Variants in ASTN1 observed in about 807,000 individuals in gnomAD.
The protein encoded by ASTN1 is astrotactin-1.
A neutral mutation model predicts 140.7 loss-of-function variants in ASTN1; 41 were observed. The ratio of observed to expected loss-of-function variants is 0.29; its 90% CI spans 0.23 to 0.38. ASTN1 has a LOEUF of 0.38. Among genes scored for constraint, ASTN1 ranks in the 10% least tolerant of loss-of-function variants. The pLI, the probability that ASTN1 is intolerant of heterozygous loss-of-function variation, is 1.00. For missense variants in ASTN1, 1,479 were observed against 1,678.8 expected (o/e 0.88, Z 2.08); for synonymous variants, 640 against 652.2 (o/e 0.98, Z 0.29).
intron 1 of ASTN1, among the ~76,000 whole-genome samples, chr1:177,085,513 T>A (rs1311772660): frequency 6.6e-6 from 1 of 152,126 alleles, no homozygotes; most frequent in African/African-American, 2.4e-5. Flanking sequence ...AGTGACAAGA[T>A]CATCTATTTG....
chr1:176,918,975 A>G (rs1293956551), intron 16 of ASTN1, among the ~76,000 whole-genome samples: 1 of 152,010 alleles, frequency 6.6e-6, no homozygotes, highest in African/African-American at 2.4e-5. Flanking sequence ...CTGGCTCACC[A>G]TCCACATCTT....
intron 11 of ASTN1, among the ~76,000 whole-genome samples, chr1:176,955,641 T>C (rs949567726): frequency 2.6e-4 from 39 of 152,240 alleles, no homozygotes; most frequent in African/African-American, 9.2e-4. Flanking sequence ...GAACTATTCC[T>C]GCTAGCTCTG....
chr1:177,124,681 G>A (rs1296300232), intron 1 of ASTN1, among the ~76,000 whole-genome samples: 1 of 152,150 alleles, frequency 6.6e-6, no homozygotes, highest in African/African-American at 2.4e-5. Flanking sequence ...TTAAAAATCA[G>A]GTAGGAGATT....
intron 5 of ASTN1, chr1:177,029,214 C>T (rs1676291933): frequency 2.3e-6 from 1 of 429,656 alleles, no homozygotes; most frequent in Non-Finnish European, 4.7e-6. Context: ...ACTACACTGC[C>T]CCCAATCCTT....
At chr1:176,865,053 T>C (rs770714992) in intron 22 of ASTN1, among the ~76,000 whole-genome samples, 4 of 152,200 alleles carry the variant, frequency 2.6e-5, no homozygotes, top group Admixed American at 6.5e-5. Flanking sequence ...CAGTTCATGT[T>C]GACACAGGAT....
intron 1 of ASTN1, among the ~76,000 whole-genome samples, chr1:177,075,645 C>CTTTTCTTTT (rs1476411974): frequency 1.0e-5 from 1 of 99,548 alleles, no homozygotes; most frequent in Non-Finnish European, 1.9e-5. Context: ...CTTTTCTTTT[C>CTTTTCTTTT]TTTTTTTTTT....
At chr1:176,933,139 G>A (rs1228128525) in intron 16 of ASTN1, among the ~76,000 whole-genome samples, 1 of 152,150 alleles carries the variant, frequency 6.6e-6, no homozygotes, top group African/African-American at 2.4e-5. Context: ...GTTTCTTCTG[G>A]GAGAAAGTGC....
chr1:176,874,085 C>A (rs944480998), intron 21 of ASTN1, among the ~76,000 whole-genome samples: 2 of 152,202 alleles, frequency 1.3e-5, no homozygotes, highest in African/African-American at 4.8e-5. Flanking sequence ...CCACTACTCA[C>A]TGCAGGCTGT....
intron 16 of ASTN1, among the ~76,000 whole-genome samples, chr1:176,912,752 C>T (rs927804275): frequency 6.6e-6 from 1 of 152,052 alleles, no homozygotes; most frequent in Non-Finnish European, 1.5e-5. Context: ...TTTTCTTTAG[C>T]CAAAGGAATT....
intron 22 of ASTN1, among the ~76,000 whole-genome samples, chr1:176,867,693 C>T (rs985921972): frequency 6.6e-6 from 1 of 152,120 alleles, no homozygotes; most frequent in Non-Finnish European, 1.5e-5. Context: ...ACCTAATTTT[C>T]CTCTTTCCTT....
At chr1:177,050,503 G>A (rs1677483200) in intron 2 of ASTN1, among the ~76,000 whole-genome samples, 1 of 152,150 alleles carries the variant, frequency 6.6e-6, no homozygotes, top group South Asian at 2.1e-4. Context: ...ATCAGCAGCA[G>A]TGATAGAGGT....
intron 1 of ASTN1, among the ~76,000 whole-genome samples, chr1:177,139,749 C>G (rs369225286): frequency 1.5e-3 from 221 of 152,122 alleles, no homozygotes; most frequent in African/African-American, 5.0e-3. Context: ...TGAGGAAAAC[C>G]TTCACTAATC....
intron 1 of ASTN1, among the ~76,000 whole-genome samples, chr1:177,160,252 C>T (rs1220450505): frequency 3.9e-5 from 6 of 152,214 alleles, no homozygotes; most frequent in Non-Finnish European, 7.3e-5. Context: ...TTAACTCCCC[C>T]ATTCTTCTGT....
intron 11 of ASTN1, among the ~76,000 whole-genome samples, 173 bp from the exon 12 acceptor site, chr1:176,949,524 C>CTT (rs917830299): frequency 6.6e-6 from 1 of 152,150 alleles, no homozygotes; most frequent in African/African-American, 2.4e-5. Flanking sequence ...AACAAGTGAC[C>CTT]TTTTTTGACG....
intron 16 of ASTN1, among the ~76,000 whole-genome samples, chr1:176,896,180 T>C (rs1334877998): frequency 6.6e-6 from 1 of 152,206 alleles, no homozygotes; most frequent in Non-Finnish European, 1.5e-5. Flanking sequence ...AGCATTGTTG[T>C]TTCCCAGAGG....
chr1:177,112,914 A>C (rs776072402), intron 1 of ASTN1, among the ~76,000 whole-genome samples: 4 of 152,044 alleles, frequency 2.6e-5, no homozygotes, highest in Non-Finnish European at 5.9e-5. Context: ...CTCTCCTGTG[A>C]CTGGTTGTGA....
At chr1:177,146,920 G>A (rs762166864) in intron 1 of ASTN1, among the ~76,000 whole-genome samples, 4 of 152,098 alleles carry the variant, frequency 2.6e-5, no homozygotes, top group Non-Finnish European at 5.9e-5. Flanking sequence ...AGTGCTTTCT[G>A]TGTGTACCCC....
intron 1 of ASTN1, among the ~76,000 whole-genome samples, chr1:177,112,705 T>C (rs929483975): frequency 6.6e-6 from 1 of 152,356 alleles, no homozygotes; most frequent in African/African-American, 2.4e-5. Flanking sequence ...GAGAAAAGCA[T>C]GCAGCGCAGA....
chr1:177,119,664 T>A (rs180785730), intron 1 of ASTN1, among the ~76,000 whole-genome samples: 106 of 152,230 alleles, frequency 7.0e-4, no homozygotes, highest in Non-Finnish European at 1.2e-3. Flanking sequence ...CTGGGAGAGA[T>A]TTTTCCTAGG....
Sources: gnomAD v4.1 joint callset for allele counts (sites outside exome capture counted in the v4.1 genomes callset) on GRCh38, gnomAD v4.1.1 for gene constraint, MANE v1.5 for transcripts, NCBI Gene and HGNC (gene_info 2026-07-23, HGNC 2026-07-21) for gene names.